The following PAK5 variants were observed in gnomAD, a reference collection of about 807,000 sequenced individuals.
PAK5 encodes the protein p21 (RAC1) activated kinase 5.
Under a neutral mutation model 65.9 loss-of-function variants are expected in PAK5, and 16 were observed. The ratio of observed to expected loss-of-function variants is 0.24; its 90% CI spans 0.16 to 0.37. PAK5 has a LOEUF of 0.37. Ranked by LOEUF, PAK5 falls within the 10% of genes least tolerant of loss-of-function variation. The pLI is 1.00. For missense variants in PAK5, 785 were observed against 903.9 expected, an observed-to-expected ratio of 0.87 and a Z score of 1.69; for synonymous variants, 371 against 354.9, an observed-to-expected ratio of 1.05 and a Z score of -0.51.
intron 1 of PAK5, among the ~76,000 whole-genome samples, chr20:9,734,908 C>T (rs572749231): frequency 6.6e-6 from 1 of 152,228 alleles, no homozygotes; most frequent in East Asian, 1.9e-4. Context: ...AACAGGTTTC[C>T]CTGTGGCTGA....
intron 3 of PAK5, among the ~76,000 whole-genome samples, chr20:9,581,898 G>A (rs370035976): frequency 6.6e-6 from 1 of 152,180 alleles, no homozygotes; most frequent in African/African-American, 2.4e-5. Context: ...GTAGCAAGGA[G>A]TTCAAAACTA....
intron 2 of PAK5, among the ~76,000 whole-genome samples, chr20:9,662,158 T>C (rs1250126755): frequency 6.6e-6 from 1 of 152,172 alleles, no homozygotes. Context: ...CAGCAAAATA[T>C]TGTCAGTGCT....
chr20:9,677,007 C>T (rs1299394354), intron 2 of PAK5, among the ~76,000 whole-genome samples: 1 of 150,004 alleles, frequency 6.7e-6, no homozygotes, highest in Non-Finnish European at 1.5e-5. Context: ...AATATGTTTT[C>T]CTGAAAACCA....
intron 3 of PAK5, among the ~76,000 whole-genome samples, chr20:9,624,466 C>T (rs2046814610): frequency 6.6e-6 from 1 of 151,898 alleles, no homozygotes; most frequent in Admixed American, 6.6e-5. Context: ...GAAGGTACTT[C>T]TAGAAAGATT....
At chr20:9,616,109 A>C (rs1032530186) in intron 3 of PAK5, among the ~76,000 whole-genome samples, 1 of 152,208 alleles carries the variant, frequency 6.6e-6, no homozygotes, top group African/African-American at 2.4e-5. Context: ...TGTCAAAGAC[A>C]CTGTGGCTAA....
chr20:9,595,742 C>A (rs2046252416), intron 3 of PAK5, among the ~76,000 whole-genome samples: 1 of 152,074 alleles, frequency 6.6e-6, no homozygotes, highest in Non-Finnish European at 1.5e-5. Flanking sequence ...ACATCGTTCG[C>A]TACTTCATTA....
intron 1 of PAK5, among the ~76,000 whole-genome samples, chr20:9,768,932 A>T (rs2048803016): frequency 6.6e-6 from 1 of 152,136 alleles, no homozygotes; most frequent in Non-Finnish European, 1.5e-5. Flanking sequence ...GTAATTAAAA[A>T]TTAAAAAATA....
At chr20:9,807,762 A>AAT (rs151079489) in intron 1 of PAK5, among the ~76,000 whole-genome samples, 3 of 142,326 alleles carry the variant, frequency 2.1e-5, no homozygotes, top group Non-Finnish European at 4.5e-5. Flanking sequence ...AGCAAAAAAT[A>AAT]AATAATAATA....
chr20:9,541,202 C>T (rs926775896), intron 9 of PAK5, among the ~76,000 whole-genome samples: 2 of 152,118 alleles, frequency 1.3e-5, no homozygotes, highest in Non-Finnish European at 2.9e-5. Flanking sequence ...AATAATTCTC[C>T]TCCAAAAGGC....
At chr20:9,830,235 A>G (rs1034785717) in intron 1 of PAK5, among the ~76,000 whole-genome samples, 4 of 152,218 alleles carry the variant, frequency 2.6e-5, no homozygotes, top group Admixed American at 2.6e-4. Context: ...AGCACAAGTG[A>G]AGAACAATTA....
intron 2 of PAK5, among the ~76,000 whole-genome samples, chr20:9,702,740 T>C (rs1600262365): frequency 1.3e-5 from 2 of 152,264 alleles, no homozygotes; most frequent in African/African-American, 4.8e-5. Context: ...CACTGTTAGA[T>C]CCCTGTGGCT....
chr20:9,811,265 T>C (rs899957455), intron 1 of PAK5, among the ~76,000 whole-genome samples: 1 of 152,152 alleles, frequency 6.6e-6, no homozygotes, highest in African/African-American at 2.4e-5. Flanking sequence ...GTATACTGTC[T>C]CACAGTTCTC....
At chr20:9,546,376 T>C (rs1233319850) in intron 7 of PAK5, among the ~76,000 whole-genome samples, 1 of 152,208 alleles carries the variant, frequency 6.6e-6, no homozygotes, top group Non-Finnish European at 1.5e-5. Flanking sequence ...TGTGTTTTTT[T>C]AACAGTTTAA....
intron 1 of PAK5, among the ~76,000 whole-genome samples, chr20:9,795,561 GC>G (rs2049095512): frequency 6.6e-6 from 1 of 152,090 alleles, no homozygotes; most frequent in African/African-American, 2.4e-5. Flanking sequence ...TATATGTGCA[GC>G]TTCTAGCAGT....
intron 1 of PAK5, among the ~76,000 whole-genome samples, chr20:9,789,223 T>C (rs2049024157): frequency 6.6e-6 from 1 of 152,192 alleles, no homozygotes; most frequent in East Asian, 1.9e-4. Flanking sequence ...CTTTAAAAAA[T>C]ACTGTATGTA....
In PAK5 at chr20:9,748,598, T is replaced by C. The variant is rs147326217; in HGVS notation, c.-161-37163A>G. On this transcript the variant is annotated intron_variant, in intron 1 of 9. Coordinates refer to ENST00000353224, the MANE Select transcript of PAK5 (RefSeq NM_177990.4). ...AAAATGTACTCTTCAAATTGACATA[T>C]GGCTTACTACAATATATACAACATA... is the stretch of plus-strand genomic sequence containing the variant. Among the ~76,000 whole-genome samples, 154 of 152,268 alleles carry C rather than the reference T, an allele frequency of 1.0e-3. 1 individual carries two copies. The highest frequency in any genetic ancestry group is 3.6e-3 in the African/African-American group (151 of 41,584).
At chr20:9,648,456 G>T (rs2047162016) in intron 2 of PAK5, among the ~76,000 whole-genome samples, 1 of 151,696 alleles carries the variant, frequency 6.6e-6, no homozygotes, top group African/African-American at 2.4e-5. Context: ...GGAAAACAGG[G>T]GTTGAACATA....
intron 1 of PAK5, among the ~76,000 whole-genome samples, chr20:9,781,628 G>A (rs964932685): frequency 2.0e-5 from 3 of 152,028 alleles, no homozygotes; most frequent in Non-Finnish European, 4.4e-5. Context: ...TCCCTCCTGA[G>A]CTAACTTCAC....
intron 2 of PAK5, among the ~76,000 whole-genome samples, chr20:9,693,578 T>C (rs1299276022): frequency 6.6e-6 from 1 of 152,096 alleles, no homozygotes; most frequent in Non-Finnish European, 1.5e-5. Context: ...AGCCATATAG[T>C]TCACATTAGT....
Sources: allele counts gnomAD v4.1 joint callset (sites outside exome capture counted in the v4.1 genomes callset), GRCh38; gene constraint gnomAD v4.1.1; transcripts MANE v1.5; gene names NCBI Gene and HGNC (gene_info 2026-07-23, HGNC 2026-07-21).